The following MAP2K5 variants were observed in gnomAD, a reference collection of about 807,000 sequenced individuals.
MAP2K5 encodes dual specificity mitogen-activated protein kinase kinase 5.
Under a neutral mutation model 83.1 loss-of-function variants are expected in MAP2K5, and 49 were observed. That is an observed-to-expected ratio of 0.59 (90% CI 0.47 to 0.75). The LOEUF (loss-of-function observed/expected upper bound fraction) is 0.75. MAP2K5 is among the 30% of genes least tolerant of loss of function. The probability of loss-of-function intolerance (pLI) is 0.00; values close to 1 mark genes in which losing one functional copy is unlikely to be tolerated. For synonymous variants in MAP2K5, 202 were observed against 191.8 expected, an observed-to-expected ratio of 1.05 and a Z score of -0.44; for missense variants, 457 against 557.5, an observed-to-expected ratio of 0.82 and a Z score of 1.82.
chr15:67,693,427 G>A (rs2088165670), intron 14 of MAP2K5, 91 bp from the exon 15 acceptor site: 1 of 977,270 alleles, frequency 1.0e-6, no homozygotes, highest in South Asian at 1.4e-5. Flanking sequence ...TGATTTATAT[G>A]AATGATGATT....
At chr15:67,803,471 A>C (rs145312478) in intron 21 of MAP2K5, among the ~76,000 whole-genome samples, 1 of 152,328 alleles carries the variant, frequency 6.6e-6, no homozygotes, top group East Asian at 1.9e-4. Context: ...CGTCAGTTAC[A>C]GTCTAGGAGG....
rs1446823729 is a variant in MAP2K5 at position 67,555,028 on chromosome 15, G to A, written c.184+4946G>A. Among the ~76,000 whole-genome samples, 2 of 152,154 alleles carry A rather than the reference G, an allele frequency of 1.3e-5. No individual in the cohort carries two copies. Among genetic ancestry groups the A allele is most frequent in the Admixed American group, 6.5e-5 (1 of 15,284 alleles). On this transcript the variant is annotated intron_variant, in intron 2 of 21. Transcript: ENST00000178640. The surrounding 1 kb of genome is among the most constrained non-coding windows in gnomAD (Gnocchi z 5.2). ...TTTCTGATTTCTTTTTCTGGGTGTG[G>A]TGTTTCCAAGGGGAGTTAGGGCTGG...
Position 67,770,339 on chromosome 15 carries a change from C to T in MAP2K5, c.1196+676C>T, listed in dbSNP as rs998361941. Among the ~76,000 whole-genome samples, 1 of 152,206 alleles carries T rather than the reference C, an allele frequency of 6.6e-6. No individual in the cohort carries two copies. ...TTTCCTCCTAGCAGAACGCAGATGT[C>T]TTTTATTACCCCTTTCACCATCATT... On this transcript the variant is annotated intron_variant, in intron 20 of 21. Transcript: ENST00000178640. This position sits in a 1 kb window ranked among gnomAD's most constrained non-coding sequence, Gnocchi z 5.0.
At chr15:67,684,650 C>CA (rs2087905858) in intron 13 of MAP2K5, among the ~76,000 whole-genome samples, 2 of 152,154 alleles carry the variant, frequency 1.3e-5, no homozygotes, top group South Asian at 4.1e-4. Flanking sequence ...CTCCCACACA[C>CA]ACACCAGAAA....
chr15:67,683,977 CA>C (rs2087886089), intron 13 of MAP2K5, among the ~76,000 whole-genome samples: 1 of 152,160 alleles, frequency 6.6e-6, no homozygotes, highest in East Asian at 1.9e-4. Flanking sequence ...GCTGTCTGCA[CA>C]GAAACCCAAA....
At chr15:67,706,971 A>G (rs2088569679) in intron 16 of MAP2K5, among the ~76,000 whole-genome samples, 1 of 152,220 alleles carries the variant, frequency 6.6e-6, no homozygotes, top group Non-Finnish European at 1.5e-5. Flanking sequence ...GCTGCAGTGC[A>G]GTGGCACAAT....
chr15:67,754,621 A>C (rs2089794787), intron 19 of MAP2K5, among the ~76,000 whole-genome samples: 1 of 152,222 alleles, frequency 6.6e-6, no homozygotes, highest in African/African-American at 2.4e-5. Flanking sequence ...TGATGTGGGA[A>C]GCTAACAAAC....
intron 4 of MAP2K5, among the ~76,000 whole-genome samples, chr15:67,585,354 G>T (rs2085267095): frequency 6.6e-6 from 1 of 152,132 alleles, no homozygotes; most frequent in Non-Finnish European, 1.5e-5. Context: ...GTCAAGATTT[G>T]CAAGAAATGT....
intron 8 of MAP2K5, chr15:67,628,013 G>T: frequency 1.3e-6 from 1 of 746,820 alleles, no homozygotes; most frequent in Non-Finnish European, 2.4e-6. Context: ...AGTGCTCCTG[G>T]GGCTTTGGGT....
intron 19 of MAP2K5, among the ~76,000 whole-genome samples, chr15:67,767,246 T>G (rs2090057906): frequency 6.6e-6 from 1 of 152,262 alleles, no homozygotes. Context: ...AAATGGCCTC[T>G]TCATCAAGTT....
intron 2 of MAP2K5, among the ~76,000 whole-genome samples, chr15:67,556,186 T>A (rs2084620141): frequency 6.6e-6 from 1 of 152,272 alleles, no homozygotes; most frequent in Non-Finnish European, 1.5e-5. Context: ...TTTCCAATAT[T>A]AAGGTTGGCC....
intron 17 of MAP2K5, among the ~76,000 whole-genome samples, chr15:67,739,980 G>A (rs926333323): frequency 2.6e-5 from 4 of 152,182 alleles, no homozygotes; most frequent in Non-Finnish European, 5.9e-5. Flanking sequence ...TTTAGGGGTT[G>A]GAAGGATGGG....
intron 17 of MAP2K5, among the ~76,000 whole-genome samples, chr15:67,741,083 G>C (rs1349167954): frequency 3.3e-5 from 5 of 151,270 alleles, no homozygotes; most frequent in Non-Finnish European, 7.4e-5. Context: ...AGTCTCGGCT[G>C]TCTGGTGTAT....
intron 16 of MAP2K5, among the ~76,000 whole-genome samples, chr15:67,715,536 T>G (rs2088810070): frequency 6.6e-6 from 1 of 152,180 alleles, no homozygotes; most frequent in Non-Finnish European, 1.5e-5. Context: ...GTGCTAGCAG[T>G]CCCAGCTAAG....
At chr15:67,574,784 T>C (rs1023286749) in intron 3 of MAP2K5, among the ~76,000 whole-genome samples, 4 of 151,686 alleles carry the variant, frequency 2.6e-5, no homozygotes, top group Non-Finnish European at 5.9e-5. Flanking sequence ...GGAGAATCAT[T>C]TGAACCTGGG....
chr15:67,703,007 C>T (rs2088460352), intron 15 of MAP2K5, among the ~76,000 whole-genome samples: 1 of 152,156 alleles, frequency 6.6e-6, no homozygotes, highest in Non-Finnish European at 1.5e-5. Flanking sequence ...GATCTGGGTT[C>T]AAGTCTCAGC....
At chr15:67,756,569 CACTT>C (rs200920640) in intron 19 of MAP2K5, among the ~76,000 whole-genome samples, 14 of 53,446 alleles carry the variant, frequency 2.6e-4, no homozygotes, top group African/African-American at 8.4e-4. Context: ...GTGTTGATAA[CACTT>C]ACGATCTACT....
Position 67,769,853 on chromosome 15 carries a change from G to T in MAP2K5, c.1196+190G>T, listed in dbSNP as rs1022732201. On this transcript the variant is annotated intron_variant, in intron 20 of 21. Transcript: ENST00000178640. The surrounding 1 kb of genome is among the most constrained non-coding windows in gnomAD (Gnocchi z 5.2). ...TATGTAAACGTTATTTACACAAAGG[G>T]TCATAAGCATACTTCAGAGCCTTTT... is the stretch of plus-strand genomic sequence containing the variant. The T allele has an allele frequency of 1.8e-6, 1 of 547,310 alleles. No individual in the cohort carries two copies. Among genetic ancestry groups the T allele is most frequent in the Non-Finnish European group, 3.3e-6 (1 of 307,418 alleles). The allele number at this position is 547,310 out of a possible 1,614,324, so 33.9% of individuals were successfully genotyped here.
chr15:67,769,772 A>G lies in MAP2K5; in HGVS notation c.1196+109A>G. ...CTCCCTGCATCCTTTTGGAGACAGG[A>G]GGGACTTCGGGGCCTTGGGCAGATG... On this transcript the variant is annotated intron_variant, in intron 20 of 21. Coordinates refer to ENST00000178640, the MANE Select transcript of MAP2K5 (RefSeq NM_145160.3). The surrounding 1 kb of genome is among the most constrained non-coding windows in gnomAD (Gnocchi z 5.2). The G allele has an allele frequency of 9.0e-7, 1 of 1,107,084 alleles. No homozygotes were observed. The highest frequency in any genetic ancestry group is 1.3e-6 in the Non-Finnish European group (1 of 743,400). The allele number at this position is 1,107,084 out of a possible 1,614,324, so 68.6% of individuals were successfully genotyped here.
Sources: allele counts gnomAD v4.1 joint callset (sites outside exome capture counted in the v4.1 genomes callset), GRCh38; gene constraint gnomAD v4.1.1; non-coding constraint Gnocchi (gnomAD v3.1); transcripts MANE v1.5; gene names NCBI Gene and HGNC (gene_info 2026-07-23, HGNC 2026-07-21).